The following DYRK1A variants were observed in gnomAD, a reference collection of about 807,000 sequenced individuals.
DYRK1A encodes dual specificity tyrosine phosphorylation regulated kinase 1A, also known as dual specificity tyrosine-phosphorylation-regulated kinase 1A.
DYRK1A carries 9 observed loss-of-function variants against 79.7 expected under a neutral mutation model. The ratio of observed to expected loss-of-function variants is 0.11; its 90% CI spans 0.07 to 0.20. The LOEUF (loss-of-function observed/expected upper bound fraction) is 0.20, where lower values mean the gene tolerates loss of function less well. DYRK1A is among the 10% of genes least tolerant of loss of function. DYRK1A has a pLI of 1.00. For synonymous variants in DYRK1A, 349 were observed against 329.7 expected, an observed-to-expected ratio of 1.06 and a Z score of -0.63; for missense variants, 622 against 956.0, an observed-to-expected ratio of 0.65 and a Z score of 4.61.
At chr21:37,369,833 T>A (rs2049395108) in intron 1 of DYRK1A, among the ~76,000 whole-genome samples, 1 of 152,258 alleles carries the variant, frequency 6.6e-6, no homozygotes, top group Admixed American at 6.5e-5. Flanking sequence ...CTTAAACCTT[T>A]TAACAATATT....
intron 2 of DYRK1A, among the ~76,000 whole-genome samples, chr21:37,434,607 T>G (rs1388617037): frequency 1.3e-5 from 2 of 152,246 alleles, no homozygotes; most frequent in South Asian, 2.1e-4. Context: ...AGTTACATCT[T>G]AACTGAACTT....
intron 1 of DYRK1A, among the ~76,000 whole-genome samples, chr21:37,400,506 A>G (rs2050033974): frequency 6.6e-6 from 1 of 152,232 alleles, no homozygotes; most frequent in African/African-American, 2.4e-5. Context: ...AGAATTAGTC[A>G]TAGTTTTATA....
At chr21:37,457,846 C>T (rs1211550578) in intron 2 of DYRK1A, among the ~76,000 whole-genome samples, 1 of 152,110 alleles carries the variant, frequency 6.6e-6, no homozygotes, top group African/African-American at 2.4e-5. Context: ...TTTTTTTCCC[C>T]CTTGACTGCT....
chr21:37,507,809 C>T (rs1007120533), intron 11 of DYRK1A, among the ~76,000 whole-genome samples: 35 of 152,118 alleles, frequency 2.3e-4, no homozygotes, highest in Non-Finnish European at 3.5e-4. Flanking sequence ...TTCAGCCACA[C>T]CTGCCAGGGC....
In DYRK1A at chr21:37,519,525, T is replaced by A. The variant is rs1250972902; in HGVS notation, c.*6994T>A. Reference sequence around the variant, plus strand: ...CGGCTAAACAGCGGAGTCCACAGCCTGAATGGAACTTCTTTTTCTACGTAA... The same window carrying A: ...CGGCTAAACAGCGGAGTCCACAGCCAGAATGGAACTTCTTTTTCTACGTAA... On this transcript the variant is annotated 3_prime_UTR_variant, in exon 12 of 12. Coordinates refer to ENST00000647188, the MANE Select transcript of DYRK1A (RefSeq NM_001347721.2). The A allele has an allele frequency of 1.3e-5, 2 of 152,222 alleles. No individual in the cohort carries two copies. The highest frequency in any genetic ancestry group is 1.3e-4 in the Admixed American group (2 of 15,276). 9.4% of individuals were successfully genotyped at this position (152,222 alleles called of 1,614,324 possible).
rs141276063 is a variant in DYRK1A at position 37,510,321 on chromosome 21, C to G, written c.1645-1590C>G. Among the ~76,000 whole-genome samples the G allele has an allele frequency of 1.8e-4, 28 of 152,320 alleles. No homozygotes were observed. The East Asian group carries it at 5.0e-3, about 27-fold the overall frequency. ...GTATTTTCTGAGAACTCACTGCCAG[C>G]TTTTCTACTGATTGTTTTCAGTAGT... On this transcript the variant is annotated intron_variant, in intron 11 of 11. Transcript: ENST00000647188.
Position 37,417,480 on chromosome 21 carries a change from C to T in DYRK1A, c.-76-2819C>T, listed in dbSNP as rs138723948. On this transcript the variant is annotated intron_variant, in intron 1 of 11. Coordinates refer to ENST00000647188, the MANE Select transcript of DYRK1A (RefSeq NM_001347721.2). ...AAGTGCTGGGATTACAGAGCCACTG[C>T]TCCCGGCCTTGTATTTTTTATTTTT... Among the ~76,000 whole-genome samples, 1,051 of 138,720 alleles carry T rather than the reference C, an allele frequency of 7.6e-3. 15 individuals are homozygous for T. Among genetic ancestry groups the T allele is most frequent in the African/African-American group, 0.027 (1,010 of 37,332 alleles). The allele number at this position is 138,720 out of a possible 152,430, so 91.0% of individuals were successfully genotyped here. A position where few individuals can be genotyped will look rare whatever the true frequency, so the allele number is the denominator to read the frequency against.
At position 37,525,428 on chromosome 21, in the gene DYRK1A, C is replaced by T. The variant is rs920457366; in HGVS notation, c.*12897C>T. ...TGAGACTTACTCACTATTATGAGAACAGCATGGTAAAATCCTGCCTCCATG... is the reference window on the plus strand; with the variant it reads ...TGAGACTTACTCACTATTATGAGAATAGCATGGTAAAATCCTGCCTCCATG... On this transcript the variant is annotated 3_prime_UTR_variant, in exon 12 of 12. Coordinates refer to ENST00000647188, the MANE Select transcript of DYRK1A (RefSeq NM_001347721.2). 1.2e-4 allele frequency: 19 copies of T among 152,126 alleles called. No individual in the cohort carries two copies. Among genetic ancestry groups the T allele is most frequent in the African/African-American group, 4.3e-4 (18 of 41,408 alleles). 9.4% of individuals were successfully genotyped at this position (152,126 alleles called of 1,614,324 possible).
intron 1 of DYRK1A, among the ~76,000 whole-genome samples, chr21:37,387,272 T>C (rs1361271188): frequency 6.6e-6 from 1 of 152,240 alleles, no homozygotes; most frequent in African/African-American, 2.4e-5. Flanking sequence ...ACTTTTTTCT[T>C]CCAGCTCCTG....
chr21:37,462,697 A>T (rs2051882846), intron 2 of DYRK1A, among the ~76,000 whole-genome samples: 1 of 152,012 alleles, frequency 6.6e-6, no homozygotes, highest in Admixed American at 6.6e-5. Flanking sequence ...AGTGGCCTTG[A>T]ACTCTTCCTT....
At chr21:37,473,152 T>A (rs1569355478) in intron 3 of DYRK1A, among the ~76,000 whole-genome samples, 1 of 152,164 alleles carries the variant, frequency 6.6e-6, no homozygotes, top group African/African-American at 2.4e-5. Flanking sequence ...TAAAGGATCT[T>A]GAAGAAAAAG....
chr21:37,471,188 T>C (rs2052210209), intron 2 of DYRK1A, among the ~76,000 whole-genome samples: 2 of 152,196 alleles, frequency 1.3e-5, no homozygotes, highest in African/African-American at 4.8e-5. Flanking sequence ...TTGGTAATCT[T>C]AAGTGTTATA....
intron 11 of DYRK1A, chr21:37,506,451 G>A: frequency 3.0e-6 from 4 of 1,343,994 alleles, no homozygotes; most frequent in Non-Finnish European, 4.0e-6. Context: ...TTGTTGTTTT[G>A]AACAGTTTTT....
At chr21:37,507,582 C>G (rs1771691855) in intron 11 of DYRK1A, among the ~76,000 whole-genome samples, 2 of 152,110 alleles carry the variant, frequency 1.3e-5, no homozygotes, top group Admixed American at 1.3e-4. Context: ...CATTCTACAA[C>G]TTCATTTGGC....
intron 2 of DYRK1A, among the ~76,000 whole-genome samples, chr21:37,460,201 C>T (rs930831040): frequency 6.6e-6 from 1 of 151,372 alleles, no homozygotes; most frequent in African/African-American, 2.4e-5. Context: ...ACCTAAAATT[C>T]GGCAGATTGT....
Position 37,428,329 on chromosome 21 carries a change from TC to T in DYRK1A, c.10+7946del, listed in dbSNP as rs140797981. The stretch of plus-strand genomic sequence containing the variant: ...GTAATGCCTCAAACATAACAGATTC[TC>T]AAATCTATGTGTTGAACAAATGAGA... On this transcript the variant is annotated intron_variant, in intron 2 of 11. Coordinates refer to ENST00000647188, the MANE Select transcript of DYRK1A (RefSeq NM_001347721.2). 8.9e-3 allele frequency among the ~76,000 whole-genome samples: 1,357 copies of T among 152,352 alleles called. 18 individuals are homozygous for T. Among genetic ancestry groups the T allele is most frequent in the African/African-American group, 0.031 (1,304 of 41,584 alleles).
chr21:37,403,950 T>C (rs1265200590), intron 1 of DYRK1A, among the ~76,000 whole-genome samples: 1 of 152,118 alleles, frequency 6.6e-6, no homozygotes, highest in Non-Finnish European at 1.5e-5. Context: ...CTGTCTAATA[T>C]GGTGGACCAT....
At chr21:37,498,532 A>T (rs1448534789) in intron 9 of DYRK1A, among the ~76,000 whole-genome samples, 4 of 151,612 alleles carry the variant, frequency 2.6e-5, no homozygotes, top group African/African-American at 4.8e-5. Flanking sequence ...TCAGGAATTA[A>T]TTTTTTTTTA....
intron 3 of DYRK1A, 75 bp downstream of exon 3, chr21:37,472,955 G>C: frequency 8.5e-7 from 1 of 1,173,818 alleles, no homozygotes; most frequent in Non-Finnish European, 1.1e-6. Flanking sequence ...TACTAAGTAG[G>C]CAAAATGCTT....
Sources: allele counts gnomAD v4.1 joint callset (sites outside exome capture counted in the v4.1 genomes callset), GRCh38; gene constraint gnomAD v4.1.1; transcripts MANE v1.5; gene names NCBI Gene and HGNC (gene_info 2026-07-23, HGNC 2026-07-21).